The following NSUN3 variants were observed in gnomAD, a reference collection of about 807,000 sequenced individuals.
NSUN3 encodes tRNA (cytosine(34)-C(5))-methyltransferase, mitochondrial.
A neutral mutation model predicts 36.8 loss-of-function variants in NSUN3; 24 were observed. The ratio of observed to expected loss-of-function variants is 0.65; its 90% confidence interval spans 0.47 to 0.92. The LOEUF (loss-of-function observed/expected upper bound fraction) is 0.92. NSUN3 is among the 40% of genes least tolerant of loss of function. The probability of loss-of-function intolerance (pLI) is 0.00; values close to 1 mark genes in which losing one functional copy is unlikely to be tolerated. For synonymous variants in NSUN3, 146 were observed against 145.2 expected (o/e 1.01, Z -0.04); for missense variants, 381 against 392.8 (o/e 0.97, Z 0.25).
intron 2 of NSUN3, among the ~76,000 whole-genome samples, chr3:94,068,802 A>T (rs1456299588): frequency 6.6e-6 from 1 of 151,794 alleles, no homozygotes; most frequent in Non-Finnish European, 1.5e-5. Context: ...ACACACACAC[A>T]CACACATACA....
At chr3:94,119,279 G>T (rs1410989979) in intron 5 of NSUN3, among the ~76,000 whole-genome samples, 2 of 152,174 alleles carry the variant, frequency 1.3e-5, no homozygotes, top group Admixed American at 6.5e-5. Context: ...GAACTTGTCT[G>T]ATTATAGAGT....
intron 5 of NSUN3, among the ~76,000 whole-genome samples, chr3:94,112,294 C>T (rs1424049034): frequency 6.6e-6 from 1 of 152,214 alleles, no homozygotes; most frequent in Non-Finnish European, 1.5e-5. Context: ...AATTATCTAG[C>T]CATCATACTG....
Position 94,126,560 on chromosome 3 carries a change from A to T in NSUN3, c.*70A>T. On this transcript the variant is annotated 3_prime_UTR_variant, in exon 6 of 6. Transcript: ENST00000314622. ...CTGAACTCAGTACATGTTAATATTT[A>T]AATAATTATGCAGTAACTTTCTCTG... 7.3e-7 allele frequency: 1 copy of T among 1,367,686 alleles called. No homozygotes were observed. The highest frequency in any genetic ancestry group is 1.0e-6 in the Non-Finnish European group (1 of 1,001,408). The allele number at this position is 1,367,686 out of a possible 1,614,324, so 84.7% of individuals were successfully genotyped here.
intron 5 of NSUN3, among the ~76,000 whole-genome samples, chr3:94,106,562 C>A (rs1276366285): frequency 6.6e-6 from 1 of 152,110 alleles, no homozygotes; most frequent in Non-Finnish European, 1.5e-5. Flanking sequence ...TCTTATAGTA[C>A]CCTGAAACTT....
In NSUN3 at chr3:94,071,574, A is replaced by G. The variant is rs534279799; in HGVS notation, c.122+7028A>G. Reference sequence around the variant, plus strand: ...ATTTTTACAGTATGCTGGAAATTGCATCCTTTAAACATATGGTGAGATTTT... The same window carrying G: ...ATTTTTACAGTATGCTGGAAATTGCGTCCTTTAAACATATGGTGAGATTTT... On this transcript the variant is annotated intron_variant, in intron 2 of 5. Transcript: ENST00000314622. 5.9e-5 allele frequency among the ~76,000 whole-genome samples: 9 copies of G among 152,324 alleles called. No individual in the cohort carries two copies. The East Asian group carries it at 7.7e-4, about 13-fold the overall frequency.
chr3:94,090,921 A>G (rs2077312309), intron 3 of NSUN3, among the ~76,000 whole-genome samples: 1 of 152,192 alleles, frequency 6.6e-6, no homozygotes, highest in African/African-American at 2.4e-5. Context: ...TGGGATTCAA[A>G]GTGCTATACC....
chr3:94,073,955 C>G (rs1454443502), intron 2 of NSUN3, among the ~76,000 whole-genome samples: 7 of 152,076 alleles, frequency 4.6e-5, no homozygotes, highest in Non-Finnish European at 2.9e-5. Flanking sequence ...AGTCTTTAAT[C>G]CATCTTCAGC....
At chr3:94,106,469 ACC>A (rs2077389360) in intron 5 of NSUN3, among the ~76,000 whole-genome samples, 1 of 152,180 alleles carries the variant, frequency 6.6e-6, no homozygotes, top group African/African-American at 2.4e-5. Flanking sequence ...AGTGAAGGCT[ACC>A]CTCAGGCTTG....
rs2077499715 is a variant in NSUN3 at position 94,129,153 on chromosome 3, A to G, written c.*2663A>G. 1.3e-5 allele frequency among the ~76,000 whole-genome samples: 2 copies of G among 152,216 alleles called. No homozygotes were observed. Among genetic ancestry groups the G allele is most frequent in the South Asian group, 4.1e-4 (2 of 4,826 alleles). ...TGAGCTAGCAATCCCATTAGTGGGT[A>G]TATACCCACAGGAAAATAAATTGTC... On this transcript the variant is annotated 3_prime_UTR_variant, in exon 6 of 6. Transcript: ENST00000314622.
rs146905507 is a variant in NSUN3 at position 94,122,129 on chromosome 3, G to A, written c.744-4082G>A. ...CACTGCACTCCAGTCTTGGCAACAA[G>A]AGCAAGACTCATCCCCCCACCTAAA... On this transcript the variant is annotated intron_variant, in intron 5 of 5. Transcript: ENST00000314622. Among the ~76,000 whole-genome samples, 983 of 129,410 alleles carry A rather than the reference G, an allele frequency of 7.6e-3. 3 individuals carry two copies. The highest frequency in any genetic ancestry group is 0.027 in the Middle Eastern group (5 of 184). 84.9% of individuals were successfully genotyped at this position (129,410 alleles called of 152,430 possible).
intron 2 of NSUN3, among the ~76,000 whole-genome samples, chr3:94,070,713 C>G (rs1440597523): frequency 6.6e-6 from 1 of 152,188 alleles, no homozygotes; most frequent in African/African-American, 2.4e-5. Context: ...GAAAGGCACA[C>G]TTGCACCATT....
chr3:94,126,457 A>C lies in NSUN3; in HGVS notation c.990A>C (p.Lys330Asn). The C allele has an allele frequency of 6.2e-7, 1 of 1,610,836 alleles. No individual in the cohort carries two copies. The highest frequency in any genetic ancestry group is 8.5e-7 in the Non-Finnish European group (1 of 1,177,136). Residue 330 changes from lysine (K) to asparagine (N), a missense_variant, in exon 6 of 6, where the codon AAA becomes AAC. Lys to Asn is a moderately conservative substitution (Grantham distance 94). Coordinates refer to ENST00000314622, the MANE Select transcript of NSUN3 (RefSeq NM_022072.5). ...GKAWGPMYVA[K>N]LKKSWSTGKW ...CCTGGGGCCCAATGTATGTAGCCAA[A>C]TTGAAGAAATCATGGAGCACAGGAA...
intron 5 of NSUN3, among the ~76,000 whole-genome samples, chr3:94,124,776 T>C (rs1218494867): frequency 6.6e-6 from 1 of 152,222 alleles, no homozygotes; most frequent in African/African-American, 2.4e-5. Flanking sequence ...TGTTATATTC[T>C]ATGTCCCCCA....
intron 5 of NSUN3, among the ~76,000 whole-genome samples, chr3:94,105,936 C>A (rs543130229): frequency 6.3e-4 from 95 of 150,970 alleles, no homozygotes; most frequent in African/African-American, 2.3e-3. Flanking sequence ...AGGTCAAAGA[C>A]CCTACCTTGA....
intron 5 of NSUN3, 64 bp downstream of exon 5, chr3:94,095,218 A>G: frequency 6.6e-7 from 1 of 1,511,116 alleles, no homozygotes; most frequent in East Asian, 2.3e-5. Flanking sequence ...GCATAATAGA[A>G]CATGTCAGGC....
At chr3:94,078,054 C>A (rs893527466) in intron 2 of NSUN3, among the ~76,000 whole-genome samples, 2 of 152,112 alleles carry the variant, frequency 1.3e-5, no homozygotes, top group Non-Finnish European at 2.9e-5. Flanking sequence ...TTAGATCTTT[C>A]CTGCTTTCTC....
In NSUN3 at chr3:94,084,255, T is replaced by G; in HGVS notation, c.271T>G (p.Cys91Gly). The change falls in exon 3 of 6, where the codon TGT becomes GGT. Residue 91 changes from cysteine (C) to glycine (G), a missense_variant. Physicochemically the swap from Cys to Gly is radical, Grantham distance 159. Transcript: ENST00000314622. ...SLPNYPKSVKCYLSRTPGRIP... is the reference protein window; with the variant it reads ...SLPNYPKSVKGYLSRTPGRIP... The stretch of plus-strand genomic sequence containing the variant: ...ACCCAACTATCCTAAATCAGTGAAG[T>G]GTTACCTTAGCAGAACTCCGGGCCG... The G allele has an allele frequency of 6.2e-7, 1 of 1,614,092 alleles. No individual in the cohort carries two copies. Among genetic ancestry groups the G allele is most frequent in the Non-Finnish European group, 8.5e-7 (1 of 1,180,010 alleles).
intron 5 of NSUN3, among the ~76,000 whole-genome samples, chr3:94,115,133 A>G (rs1461896136): frequency 6.6e-6 from 1 of 152,170 alleles, no homozygotes; most frequent in Non-Finnish European, 1.5e-5. Flanking sequence ...ATTATTAATT[A>G]TATAACTGTT....
intron 2 of NSUN3, among the ~76,000 whole-genome samples, chr3:94,071,300 A>T (rs1162230087): frequency 6.6e-6 from 1 of 152,214 alleles, no homozygotes; most frequent in African/African-American, 2.4e-5. Context: ...ACACATGTGT[A>T]TATGTGGGGG....
Sources: allele counts gnomAD v4.1 joint callset (sites outside exome capture counted in the v4.1 genomes callset), GRCh38; gene constraint gnomAD v4.1.1; transcripts MANE v1.5; gene names NCBI Gene and HGNC (gene_info 2026-07-23, HGNC 2026-07-21).